Variants in B4GALNT3 observed in about 807,000 individuals in gnomAD.
B4GALNT3 encodes the protein beta-1,4-N-acetylgalactosaminyltransferase 3.
Under a neutral mutation model 120.2 loss-of-function variants are expected in B4GALNT3, and 86 were observed. The ratio of observed to expected loss-of-function variants is 0.72; its 90% CI spans 0.60 to 0.86. The LOEUF is 0.86. B4GALNT3 is among the 40% of genes least tolerant of loss of function. B4GALNT3 has a pLI of 0.00. For synonymous variants in B4GALNT3, 518 were observed against 510.4 expected, an observed-to-expected ratio of 1.01 and a Z score of -0.20; for missense variants, 1,167 against 1,298.9, an observed-to-expected ratio of 0.90 and a Z score of 1.56.
chr12:561,487 C>G lies in B4GALNT3; in HGVS notation c.*36C>G. The G allele has an allele frequency of 6.6e-7, 1 of 1,514,232 alleles. No individual in the cohort carries two copies. Among genetic ancestry groups the G allele is most frequent in the Non-Finnish European group, 9.1e-7 (1 of 1,101,084 alleles). The allele number at this position is 1,514,232 out of a possible 1,614,324, so 93.8% of individuals were successfully genotyped here. On this transcript the variant is annotated 3_prime_UTR_variant, in exon 20 of 20. Transcript: ENST00000266383. The stretch of plus-strand genomic sequence containing the variant: ...TCCGCGGGGCCCAGCACTCCCCGCT[C>G]TGGACTAGCAGTGGCTCCCCAGGGC...
chr12:560,919 C>A (rs1456387010), intron 19 of B4GALNT3, among the ~76,000 whole-genome samples: 1 of 151,890 alleles, frequency 6.6e-6, no homozygotes, highest in African/African-American at 2.4e-5. Context: ...CCCTGCCTTC[C>A]TCCGTCTATG....
In B4GALNT3 at chr12:553,376, G is replaced by A. The variant is rs764881611; in HGVS notation, c.1453G>A (p.Gly485Ser). ...GAAACTCCTGGCTCAGCCCCGGGAG[G>A]GCCTGCTGGCCCCCTTCTCCAAGCG... Reference protein sequence around the residue: ...LRKLLAQPREGLLAPFSKRNS... With the variant: ...LRKLLAQPRESLLAPFSKRNS... The change falls in exon 14 of 20, where the codon GGC (glycine) becomes AGC (serine). Residue 485 changes from glycine to serine, a missense_variant. By Grantham distance (56) the Gly-to-Ser change is moderately conservative. Around this residue, in one of 3 missense-constraint regions of B4GALNT3, gnomAD observed 983 missense variants for 1,102.5 expected, o/e 0.89. Coordinates refer to ENST00000266383, the MANE Select transcript of B4GALNT3 (RefSeq NM_173593.4). 2 of 1,613,808 alleles carry A rather than the reference G, an allele frequency of 1.2e-6. No homozygotes were observed. Among genetic ancestry groups the A allele is most frequent in the South Asian group, 1.1e-5 (1 of 91,078 alleles).
intron 19 of B4GALNT3, among the ~76,000 whole-genome samples, chr12:560,834 G>A (rs1157671199): frequency 6.6e-6 from 1 of 152,228 alleles, no homozygotes; most frequent in East Asian, 1.9e-4. Flanking sequence ...CTCCCTGTGA[G>A]AGGGACACCC....
chr12:532,281 G>A (rs144687473), intron 1 of B4GALNT3, among the ~76,000 whole-genome samples: 254 of 152,228 alleles, frequency 1.7e-3, no homozygotes, highest in African/African-American at 5.8e-3. Context: ...GACCTGACTG[G>A]GTTTAACTTC....
rs771054556 is a variant in B4GALNT3, at chr12:553,343, A to C, written c.1420A>C (p.Ser474Arg). 6.2e-7 allele frequency: 1 copy of C among 1,613,772 alleles called. No individual in the cohort carries two copies. Among genetic ancestry groups the C allele is most frequent in the South Asian group, 1.1e-5 (1 of 91,092 alleles). Reference protein sequence around the residue: ...EQDATDYRLRSLRKLLAQPRE... With the variant: ...EQDATDYRLRRLRKLLAQPRE... ...AGATGCCACTGACTACCGCCTCCGAAGCCTGCGGAAACTCCTGGCTCAGCC... is the reference window on the plus strand; with the variant it reads ...AGATGCCACTGACTACCGCCTCCGACGCCTGCGGAAACTCCTGGCTCAGCC... Residue 474 changes from serine to arginine, a missense_variant, in exon 14 of 20, where the codon AGC becomes CGC. Ser to Arg is a moderately radical substitution (Grantham distance 110, BLOSUM62 -1). This residue lies in a region of B4GALNT3 where 983 missense variants were observed against 1,102.5 expected (regional missense o/e 0.89). Coordinates refer to ENST00000266383, the MANE Select transcript of B4GALNT3 (RefSeq NM_173593.4).
At chr12:515,773 A>G (rs1360488104) in intron 1 of B4GALNT3, among the ~76,000 whole-genome samples, 1 of 152,142 alleles carries the variant, frequency 6.6e-6, no homozygotes, top group African/African-American at 2.4e-5. Flanking sequence ...GCCTATAGGG[A>G]TACTATTGTC....
intron 1 of B4GALNT3, among the ~76,000 whole-genome samples, chr12:533,053 T>G (rs11608323): frequency 0.25 from 37,652 of 152,122 alleles, 4,845 homozygotes; most frequent in East Asian, 0.4. Context: ...GATGACCCAG[T>G]CATTCAGATG....
chr12:551,904 C>G (rs944167264), intron 11 of B4GALNT3, among the ~76,000 whole-genome samples, 159 bp from the exon 12 acceptor site: 2 of 152,050 alleles, frequency 1.3e-5, no homozygotes, highest in Non-Finnish European at 2.9e-5. Flanking sequence ...TGCATCACCA[C>G]GTTTCATTCG....
At chr12:473,900 C>T (rs748367949) in intron 1 of B4GALNT3, among the ~76,000 whole-genome samples, 3 of 152,108 alleles carry the variant, frequency 2.0e-5, no homozygotes, top group Non-Finnish European at 4.4e-5. Context: ...AAGCAATAAT[C>T]GCACAAAGGG....
At chr12:549,711 G>A in intron 9 of B4GALNT3, 58 bp from the exon 10 acceptor site, 1 of 1,606,618 alleles carries the variant, frequency 6.2e-7, no homozygotes, top group Non-Finnish European at 8.5e-7. Flanking sequence ...TTCAAGGGCA[G>A]TGGGCTGCTG....
At chr12:514,692 T>C (rs1427551956) in intron 1 of B4GALNT3, among the ~76,000 whole-genome samples, 1 of 152,000 alleles carries the variant, frequency 6.6e-6, no homozygotes, top group Non-Finnish European at 1.5e-5. Context: ...AAAGGGTCCA[T>C]GTATAAGAAG....
intron 1 of B4GALNT3, among the ~76,000 whole-genome samples, chr12:470,976 G>A (rs978854180): frequency 7.2e-5 from 11 of 151,930 alleles, no homozygotes; most frequent in Non-Finnish European, 1.6e-4. Flanking sequence ...TGATGCGCCC[G>A]CCTCAGCCTC....
At chr12:494,018 C>G (rs1021047109) in intron 1 of B4GALNT3, among the ~76,000 whole-genome samples, 13 of 152,084 alleles carry the variant, frequency 8.5e-5, no homozygotes, top group African/African-American at 2.9e-4. Flanking sequence ...GCTTGTAATC[C>G]CAGCACTTTG....
intron 1 of B4GALNT3, among the ~76,000 whole-genome samples, chr12:495,003 G>A (rs1019090055): frequency 6.6e-6 from 1 of 152,212 alleles, no homozygotes; most frequent in African/African-American, 2.4e-5. Flanking sequence ...GCTCTGCATA[G>A]CGTAAGCACA....
intron 1 of B4GALNT3, among the ~76,000 whole-genome samples, chr12:527,579 C>G (rs1179673140): frequency 6.6e-6 from 1 of 152,232 alleles, no homozygotes; most frequent in Non-Finnish European, 1.5e-5. Context: ...CCACCCATAT[C>G]CATCTGCTCA....
chr12:525,971 T>G (rs1338786268), intron 1 of B4GALNT3, among the ~76,000 whole-genome samples: 1 of 152,122 alleles, frequency 6.6e-6, no homozygotes, highest in Non-Finnish European at 1.5e-5. Context: ...GCCTGAGAAA[T>G]GGAAACTTAT....
At chr12:545,802 AGC>A in intron 6 of B4GALNT3, among the ~76,000 whole-genome samples, 1 of 73,840 alleles carries the variant, frequency 1.4e-5, no homozygotes, top group African/African-American at 6.6e-5. Context: ...AATGGGGAGG[AGC>A]GAGGAGTGGG....
chr12:465,516 GT>G (rs11350211), intron 1 of B4GALNT3, among the ~76,000 whole-genome samples: 81,498 of 148,658 alleles, frequency 0.55, 22,156 homozygotes, highest in South Asian at 0.68. Context: ...GACATCAATG[GT>G]TTTTTTTTTT....
At chr12:547,614 C>T (rs528744847) in intron 7 of B4GALNT3, among the ~76,000 whole-genome samples, 1 of 152,294 alleles carries the variant, frequency 6.6e-6, no homozygotes, top group South Asian at 2.1e-4. Context: ...GCAAGTCGGC[C>T]GGCGGAATCC....
Sources: allele counts gnomAD v4.1 joint callset (sites outside exome capture counted in the v4.1 genomes callset), GRCh38; gene constraint gnomAD v4.1.1; regional missense constraint gnomAD v4.1.1; transcripts MANE v1.5; gene names NCBI Gene and HGNC (gene_info 2026-07-23, HGNC 2026-07-21).